Variants in NPAS3 observed in about 807,000 individuals in gnomAD.
The protein encoded by NPAS3 is neuronal PAS domain-containing protein 3.
In NPAS3, 14 loss-of-function variants were observed where a neutral mutation model predicts 73.1. That is an observed-to-expected ratio of 0.19 (90% confidence interval 0.13 to 0.30). The LOEUF is 0.30. NPAS3 is among the 10% of genes least tolerant of loss of function. The probability of loss-of-function intolerance (pLI) is 1.00; values close to 1 mark genes in which losing one functional copy is unlikely to be tolerated. For synonymous variants in NPAS3, 620 were observed against 541.5 expected (o/e 1.14, Z -2.01); for missense variants, 1,096 against 1,250.0 (o/e 0.88, Z 1.86).
chr14:32,937,747 C>T (rs971104113), upstream of NPAS3, among the ~76,000 whole-genome samples: 1 of 152,206 alleles, frequency 6.6e-6, no homozygotes, highest in Non-Finnish European at 1.5e-5. Context: ...CAGAACCTCA[C>T]ACAGGACTGA....
intron 6 of NPAS3, among the ~76,000 whole-genome samples, chr14:33,704,527 C>T (rs1002640418): frequency 6.6e-6 from 1 of 152,078 alleles, no homozygotes; most frequent in Non-Finnish European, 1.5e-5. Context: ...AAGCATGATG[C>T]CCTGAAGCAT....
chr14:32,957,244 A>G (rs1194642470), intron 1 of NPAS3, among the ~76,000 whole-genome samples: 1 of 152,042 alleles, frequency 6.6e-6, no homozygotes, highest in Admixed American at 6.5e-5. Flanking sequence ...ATTACTGGTT[A>G]TTTCACTGTT....
At chr14:33,117,068 A>T (rs1320501760) in intron 2 of NPAS3, among the ~76,000 whole-genome samples, 2 of 152,148 alleles carry the variant, frequency 1.3e-5, no homozygotes, top group Non-Finnish European at 2.9e-5. Context: ...GCATTATTTA[A>T]AAAATTTGAC....
At chr14:33,625,296 A>G (rs1441840255) in intron 5 of NPAS3, among the ~76,000 whole-genome samples, 1 of 152,270 alleles carries the variant, frequency 6.6e-6, no homozygotes, top group African/African-American at 2.4e-5. Flanking sequence ...GCATAAAACC[A>G]TAGGCATAAA....
chr14:33,424,266 T>G (rs990411810), intron 4 of NPAS3, among the ~76,000 whole-genome samples: 7 of 151,974 alleles, frequency 4.6e-5, no homozygotes, highest in African/African-American at 1.7e-4. Context: ...GGGGGCCCAG[T>G]GGCTTAGACT....
intron 2 of NPAS3, among the ~76,000 whole-genome samples, chr14:33,153,862 C>T (rs961025208): frequency 6.6e-6 from 1 of 152,084 alleles, no homozygotes; most frequent in Non-Finnish European, 1.5e-5. Context: ...TTCATTGCTG[C>T]TAAATAAATT....
intron 2 of NPAS3, among the ~76,000 whole-genome samples, chr14:33,117,127 C>T (rs2139009322): frequency 6.6e-6 from 1 of 152,012 alleles, no homozygotes; most frequent in South Asian, 2.1e-4. Context: ...TGTTTTCGTA[C>T]ATATATGCTG....
intron 5 of NPAS3, among the ~76,000 whole-genome samples, chr14:33,644,292 G>A (rs74896165): frequency 0.067 from 10,215 of 152,240 alleles, 444 homozygotes; most frequent in South Asian, 0.11. Flanking sequence ...TCAGAAGTAT[G>A]GCATGCAAAA....
At chr14:33,596,960 T>C (rs1283553962) in intron 5 of NPAS3, among the ~76,000 whole-genome samples, 1 of 152,170 alleles carries the variant, frequency 6.6e-6, no homozygotes, top group Non-Finnish European at 1.5e-5. Flanking sequence ...TCCAGGGACA[T>C]CCTGTGATGA....
intron 2 of NPAS3, among the ~76,000 whole-genome samples, chr14:33,206,129 A>T (rs1045128494): frequency 6.6e-6 from 1 of 152,182 alleles, no homozygotes; most frequent in African/African-American, 2.4e-5. Flanking sequence ...TATAAATTAA[A>T]TAAAAATTTT....
At chr14:32,949,151 T>G (rs1178506289) in intron 1 of NPAS3, among the ~76,000 whole-genome samples, 1 of 152,102 alleles carries the variant, frequency 6.6e-6, no homozygotes, top group Admixed American at 6.6e-5. Context: ...ATAATATACA[T>G]TGATCAGCTT....
rs193236288 is a variant in NPAS3 at position 32,982,967 on chromosome 14, G to T, written c.50+43601G>T. On this transcript the variant is annotated intron_variant, in intron 1 of 11. Transcript: ENST00000356141. Reference sequence around the variant, plus strand: ...AAATGAAGTGTGTCTGATTTGGCCAGTTGTAACAGTTTATAGCATGGCATG... The same window carrying T: ...AAATGAAGTGTGTCTGATTTGGCCATTTGTAACAGTTTATAGCATGGCATG... 2.2e-3 allele frequency among the ~76,000 whole-genome samples: 342 copies of T among 152,250 alleles called. 2 individuals carry two copies. The highest frequency in any genetic ancestry group is 7.6e-3 in the African/African-American group (317 of 41,560).
intron 3 of NPAS3, among the ~76,000 whole-genome samples, chr14:33,270,626 G>A (rs1450683785): frequency 6.6e-6 from 1 of 152,180 alleles, no homozygotes; most frequent in Non-Finnish European, 1.5e-5. Flanking sequence ...ACCAGAAGAG[G>A]AATGAGGACC....
intron 4 of NPAS3, among the ~76,000 whole-genome samples, chr14:33,492,401 C>T (rs777186923): frequency 1.1e-4 from 17 of 152,104 alleles, no homozygotes; most frequent in Non-Finnish European, 2.1e-4. Flanking sequence ...CTAAGGGAGT[C>T]TGGGCCTGAA....
chr14:33,725,460 G>A (rs1483888230), intron 6 of NPAS3, among the ~76,000 whole-genome samples: 2 of 151,990 alleles, frequency 1.3e-5, no homozygotes, highest in East Asian at 1.9e-4. Flanking sequence ...ATAACATTAT[G>A]GGGATTTTTT....
chr14:33,456,537 A>T (rs572022913), intron 4 of NPAS3, among the ~76,000 whole-genome samples: 8 of 152,336 alleles, frequency 5.3e-5, no homozygotes, highest in African/African-American at 1.9e-4. Context: ...TAAGAAGACC[A>T]GTCCTCAACT....
intron 4 of NPAS3, among the ~76,000 whole-genome samples, chr14:33,487,778 G>A (rs2096769751): frequency 6.6e-6 from 1 of 152,114 alleles, no homozygotes; most frequent in Non-Finnish European, 1.5e-5. Context: ...CCAAGGGTGG[G>A]AGCTTGTCTA....
intron 4 of NPAS3, among the ~76,000 whole-genome samples, chr14:33,379,480 T>C (rs538542276): frequency 1.5e-4 from 23 of 152,342 alleles, no homozygotes; most frequent in Non-Finnish European, 2.6e-4. Flanking sequence ...ATTACTGTGT[T>C]CTTCTTGGCT....
chr14:33,152,999 T>G (rs1230677584), intron 2 of NPAS3, among the ~76,000 whole-genome samples: 1 of 152,162 alleles, frequency 6.6e-6, no homozygotes, highest in African/African-American at 2.4e-5. Flanking sequence ...GTCCAGGAGA[T>G]TGCCTCAGAT....
Sources: allele counts gnomAD v4.1 joint callset (sites outside exome capture counted in the v4.1 genomes callset), GRCh38; gene constraint gnomAD v4.1.1; transcripts MANE v1.5; gene names NCBI Gene and HGNC (gene_info 2026-07-23, HGNC 2026-07-21).